CSMD1: variants seen among roughly 807,000 people sequenced by gnomAD.
CSMD1 encodes CUB and sushi domain-containing protein 1.
CSMD1 carries 213 observed loss-of-function variants against 417.5 expected under a neutral mutation model. That is an observed-to-expected ratio of 0.51 (90% CI 0.46 to 0.57). The LOEUF is 0.57. Ranked by LOEUF, CSMD1 falls within the 20% of genes least tolerant of loss-of-function variation. CSMD1 has a pLI of 0.00. For synonymous variants in CSMD1, 2,862 were observed against 1,736.8 expected, an observed-to-expected ratio of 1.65 and a Z score of -16.11; for missense variants, 6,923 against 4,529.7, an observed-to-expected ratio of 1.53 and a Z score of -15.17.
chr8:4,689,637 C>T (rs1336386108), intron 1 of CSMD1, among the ~76,000 whole-genome samples: 1 of 152,126 alleles, frequency 6.6e-6, no homozygotes, highest in Non-Finnish European at 1.5e-5. Flanking sequence ...AGGTGTAAGA[C>T]AAAGACTGTA....
At chr8:2,995,930 C>T (rs28483026) in intron 54 of CSMD1, among the ~76,000 whole-genome samples, 5 of 152,010 alleles carry the variant, frequency 3.3e-5, no homozygotes, top group Non-Finnish European at 5.9e-5. Flanking sequence ...TGTTTATAAG[C>T]GGAGTAAGGC....
intron 51 of CSMD1, among the ~76,000 whole-genome samples, chr8:3,020,611 C>A (rs1040732005): frequency 1.3e-5 from 2 of 152,068 alleles, no homozygotes; most frequent in African/African-American, 4.8e-5. Flanking sequence ...TGGGCTCAGG[C>A]GAATCCTCCC....
At chr8:3,682,011 C>G (rs997952954) in intron 7 of CSMD1, among the ~76,000 whole-genome samples, 4 of 152,104 alleles carry the variant, frequency 2.6e-5, no homozygotes, top group African/African-American at 9.7e-5. Flanking sequence ...AAACTGGATC[C>G]CTTCCTTACA....
At chr8:4,317,582 C>A (rs1393976751) in intron 3 of CSMD1, among the ~76,000 whole-genome samples, 1 of 150,960 alleles carries the variant, frequency 6.6e-6, no homozygotes, top group Non-Finnish European at 1.5e-5. Context: ...TGTCAGTACT[C>A]AAGAGAGAGA....
At chr8:3,136,211 G>T (rs538660380) in intron 41 of CSMD1, among the ~76,000 whole-genome samples, 1 of 150,762 alleles carries the variant, frequency 6.6e-6, no homozygotes, top group Admixed American at 6.6e-5. Flanking sequence ...AGTGATACAC[G>T]TGTCTATGTG....
chr8:3,732,976 A>AACCT (rs750761428), intron 6 of CSMD1, among the ~76,000 whole-genome samples: 9 of 152,052 alleles, frequency 5.9e-5, no homozygotes, highest in South Asian at 4.2e-4. Flanking sequence ...CCTATCTACC[A>AACCT]ACCTACCTAC....
chr8:4,802,490 A>G (rs1249287355), intron 1 of CSMD1, among the ~76,000 whole-genome samples: 1 of 150,800 alleles, frequency 6.6e-6, no homozygotes, highest in East Asian at 2.0e-4. Flanking sequence ...AACAATAAAA[A>G]CAAGACACCA....
At chr8:3,807,561 T>C (rs938501674) in intron 5 of CSMD1, among the ~76,000 whole-genome samples, 3 of 152,188 alleles carry the variant, frequency 2.0e-5, no homozygotes, top group African/African-American at 4.8e-5. Context: ...TAATTGCACA[T>C]TTTAATAACA....
At chr8:3,849,004 T>C (rs1803697372) in intron 5 of CSMD1, among the ~76,000 whole-genome samples, 1 of 151,792 alleles carries the variant, frequency 6.6e-6, no homozygotes, top group South Asian at 2.1e-4. Flanking sequence ...TGGACTTTCA[T>C]ACAGAAGGTT....
chr8:4,848,579 C>G (rs1407226322), intron 1 of CSMD1, among the ~76,000 whole-genome samples: 2 of 151,524 alleles, frequency 1.3e-5, no homozygotes, highest in East Asian at 3.9e-4. Context: ...CACTCTGTCA[C>G]CCAGGCCTGC....
chr8:4,487,238 T>G (rs933217154), intron 2 of CSMD1, among the ~76,000 whole-genome samples: 5 of 152,170 alleles, frequency 3.3e-5, no homozygotes, highest in Admixed American at 1.3e-4. Flanking sequence ...TTGTTACATA[T>G]GTATACATGT....
In CSMD1 at chr8:4,220,387, C is replaced by T. The variant is rs540401065; in HGVS notation, c.416-188288G>A. Among the ~76,000 whole-genome samples the T allele has an allele frequency of 3.3e-5, 5 of 152,176 alleles. No homozygotes were observed. The South Asian group carries it at 1.0e-3, about 32-fold the overall frequency. On this transcript the variant is annotated intron_variant, in intron 3 of 69. Transcript: ENST00000635120. ...ACACCATGAGGAGGACCCACAGAGG[C>T]CTCTAGACAACGGTTAGTGTTTAGC...
intron 3 of CSMD1, among the ~76,000 whole-genome samples, chr8:4,079,727 A>G (rs1388190973): frequency 6.6e-6 from 1 of 152,194 alleles, no homozygotes; most frequent in Admixed American, 6.5e-5. Flanking sequence ...GAATAGCCCA[A>G]TGGATATTTT....
chr8:3,500,145 T>C (rs1182950641), intron 10 of CSMD1, among the ~76,000 whole-genome samples: 2 of 152,176 alleles, frequency 1.3e-5, no homozygotes, highest in Non-Finnish European at 2.9e-5. Flanking sequence ...TTCATCTTTA[T>C]GCTGCCATCT....
intron 3 of CSMD1, among the ~76,000 whole-genome samples, chr8:4,194,980 T>A (rs1358492636): frequency 6.6e-6 from 1 of 151,850 alleles, no homozygotes; most frequent in Non-Finnish European, 1.5e-5. Context: ...ACTATCTAGC[T>A]TTCTTTCATC....
chr8:4,231,099 C>T (rs1170717010), intron 3 of CSMD1, among the ~76,000 whole-genome samples: 1 of 152,122 alleles, frequency 6.6e-6, no homozygotes, highest in Non-Finnish European at 1.5e-5. Context: ...AAGCATTTCT[C>T]CACCAAGGAT....
At chr8:3,211,635 A>T (rs546008886) in intron 30 of CSMD1, among the ~76,000 whole-genome samples, 12 of 152,298 alleles carry the variant, frequency 7.9e-5, no homozygotes, top group African/African-American at 2.9e-4. Flanking sequence ...CATCGCTCTC[A>T]GCCCTGCGAG....
intron 1 of CSMD1, among the ~76,000 whole-genome samples, chr8:4,979,974 CT>C (rs1472622019): frequency 1.3e-5 from 2 of 152,116 alleles, no homozygotes; most frequent in Non-Finnish European, 2.9e-5. Context: ...GGAGGCGCAG[CT>C]TGCAGTGAGC....
chr8:3,797,049 G>A (rs1002323893), intron 5 of CSMD1, among the ~76,000 whole-genome samples: 5 of 151,786 alleles, frequency 3.3e-5, no homozygotes, highest in Admixed American at 6.6e-5. Context: ...GCACATACGT[G>A]GTAGGGCAAT....
Sources: gnomAD v4.1 joint callset for allele counts (sites outside exome capture counted in the v4.1 genomes callset) on GRCh38, gnomAD v4.1.1 for gene constraint, MANE v1.5 for transcripts, NCBI Gene and HGNC (gene_info 2026-07-23, HGNC 2026-07-21) for gene names.